Variants in FGGY observed in about 807,000 individuals in gnomAD.
The protein encoded by FGGY is FGGY carbohydrate kinase domain containing.
In FGGY, 72 loss-of-function variants were observed where a neutral mutation model predicts 71.3. The observed-to-expected ratio is 1.01, with a 90% CI of 0.84 to 1.23. The LOEUF is 1.23. Ranked by LOEUF, FGGY falls within the 50% of genes most tolerant of loss-of-function variation. The pLI, the probability that FGGY is intolerant of heterozygous loss-of-function variation, is 0.00. For missense variants in FGGY, 668 were observed against 682.3 expected (o/e 0.98, Z 0.23); for synonymous variants, 251 against 250.3 (o/e 1.00, Z -0.02).
chr1:59,366,587 A>G (rs146208845), intron 4 of FGGY, among the ~76,000 whole-genome samples: 1 of 152,244 alleles, frequency 6.6e-6, no homozygotes, highest in African/African-American at 2.4e-5. Flanking sequence ...CAGGCTTATT[A>G]CGTTATTGTC....
chr1:59,393,729 G>A (rs759175469), intron 5 of FGGY, among the ~76,000 whole-genome samples: 3 of 152,034 alleles, frequency 2.0e-5, no homozygotes, highest in Non-Finnish European at 2.9e-5. Context: ...GTGTTTTTTT[G>A]TTGGCTGTTA....
chr1:59,732,853 G>A (rs957008125), intron 14 of FGGY, among the ~76,000 whole-genome samples: 10 of 151,930 alleles, frequency 6.6e-5, no homozygotes, highest in Non-Finnish European at 1.0e-4. Context: ...AAATCCCCGC[G>A]ACGAGCTTCC....
intron 6 of FGGY, among the ~76,000 whole-genome samples, chr1:59,489,645 T>C (rs1418158585): frequency 6.6e-6 from 1 of 152,212 alleles, no homozygotes; most frequent in African/African-American, 2.4e-5. Flanking sequence ...CTGATTCATA[T>C]CTTGGCTATT....
At chr1:59,571,016 A>C (rs1337084064) in intron 8 of FGGY, among the ~76,000 whole-genome samples, 1 of 152,162 alleles carries the variant, frequency 6.6e-6, no homozygotes, top group Non-Finnish European at 1.5e-5. Context: ...ATCCATATAC[A>C]TTCAAAAAGC....
At chr1:59,681,401 A>ATAAAAGCAACC (rs1464212692) in intron 14 of FGGY, among the ~76,000 whole-genome samples, 8 of 152,206 alleles carry the variant, frequency 5.3e-5, no homozygotes, top group Non-Finnish European at 7.4e-5. Context: ...ACCAAGGGCT[A>ATAAAAGCAACC]AACATCTACT....
At chr1:59,570,000 G>T (rs1027711100) in intron 8 of FGGY, among the ~76,000 whole-genome samples, 1 of 152,180 alleles carries the variant, frequency 6.6e-6, no homozygotes, top group African/African-American at 2.4e-5. Context: ...TTGCAGAAGA[G>T]TTCCTGGTTC....
intron 4 of FGGY, among the ~76,000 whole-genome samples, chr1:59,366,399 G>A (rs1343820794): frequency 6.6e-6 from 1 of 151,816 alleles, no homozygotes; most frequent in East Asian, 1.9e-4. Context: ...TGATGTTTAG[G>A]CCTCTGCTTG....
intron 2 of FGGY, among the ~76,000 whole-genome samples, chr1:59,332,708 C>G (rs1163773079): frequency 2.0e-5 from 3 of 152,180 alleles, no homozygotes; most frequent in Non-Finnish European, 4.4e-5. Context: ...CTCTGTAGGT[C>G]TGTTGAGGGG....
chr1:59,528,081 C>A (rs1402255967), intron 7 of FGGY, among the ~76,000 whole-genome samples: 1 of 152,152 alleles, frequency 6.6e-6, no homozygotes, highest in East Asian at 1.9e-4. Flanking sequence ...TGATGAACTT[C>A]ACCAGTGGTA....
intron 5 of FGGY, among the ~76,000 whole-genome samples, chr1:59,439,291 A>C (rs574590883): frequency 6.6e-6 from 1 of 152,356 alleles, no homozygotes; most frequent in East Asian, 1.9e-4. Context: ...GTTTTGTTTA[A>C]ACAAGACCAT....
intron 11 of FGGY, among the ~76,000 whole-genome samples, chr1:59,648,810 A>C (rs1458000001): frequency 6.6e-6 from 1 of 152,172 alleles, no homozygotes; most frequent in African/African-American, 2.4e-5. Flanking sequence ...TGTTTTAGAC[A>C]TGAAGTCCTT....
At chr1:59,335,689 T>C (rs565777972) in intron 2 of FGGY, among the ~76,000 whole-genome samples, 3 of 152,292 alleles carry the variant, frequency 2.0e-5, no homozygotes, top group Admixed American at 2.0e-4. Context: ...GTATTGTCAG[T>C]CTTTGTGATA....
At chr1:59,469,902 T>C (rs1341147067) in intron 6 of FGGY, among the ~76,000 whole-genome samples, 1 of 152,186 alleles carries the variant, frequency 6.6e-6, no homozygotes, top group Non-Finnish European at 1.5e-5. Flanking sequence ...TCTAGCTCCA[T>C]CCATGTCCCT....
intron 11 of FGGY, among the ~76,000 whole-genome samples, chr1:59,655,776 G>A (rs1182235124): frequency 6.6e-6 from 1 of 152,170 alleles, no homozygotes; most frequent in Non-Finnish European, 1.5e-5. Context: ...CTTTGCAAAT[G>A]ATACCTCATG....
At position 59,762,534 on chromosome 1, in the gene FGGY, A is replaced by G; in HGVS notation, c.1606A>G (p.Lys536Glu). The change falls in exon 16 of 16, where the codon AAG becomes GAG. Residue 536 changes from lysine to glutamate, a missense_variant. Lys to Glu is a moderately conservative substitution (Grantham distance 56). Transcript: ENST00000303721. ...TGATAAGAAATACCAAGTATTCCTG[A>G]AGCTGGTTGAACACCAGAAGGAGTA... ...YYDKKYQVFLKLVEHQKEYLA... is the reference protein window; with the variant it reads ...YYDKKYQVFLELVEHQKEYLA... The G allele has an allele frequency of 6.2e-7, 1 of 1,613,860 alleles. No homozygotes were observed. Among genetic ancestry groups the G allele is most frequent in the Admixed American group, 1.7e-5 (1 of 60,026 alleles).
Position 59,559,371 on chromosome 1 carries a change from C to G in FGGY, c.903+5144C>G, listed in dbSNP as rs188615781. Among the ~76,000 whole-genome samples, 236 of 152,310 alleles carry G rather than the reference C, an allele frequency of 1.5e-3. 1 individual carries two copies. The highest frequency in any genetic ancestry group is 2.1e-3 in the Non-Finnish European group (143 of 68,020). On this transcript the variant is annotated intron_variant, in intron 8 of 15. Coordinates refer to ENST00000303721, the MANE Select transcript of FGGY (RefSeq NM_018291.5). Reference sequence around the variant, plus strand: ...CAATTTATGTTCCTCTGCTGCAGCTCCAGCCAGTCCCACTGTTTGAGGTCC... The same window carrying G: ...CAATTTATGTTCCTCTGCTGCAGCTGCAGCCAGTCCCACTGTTTGAGGTCC...
chr1:59,298,011 A>G (rs1232896081), intron 1 of FGGY, among the ~76,000 whole-genome samples: 1 of 152,196 alleles, frequency 6.6e-6, no homozygotes, highest in Non-Finnish European at 1.5e-5. Flanking sequence ...TGAGGTGCTT[A>G]TTCTTTTGAC....
chr1:59,538,360 A>T (rs1164629744), intron 7 of FGGY, among the ~76,000 whole-genome samples: 3 of 151,744 alleles, frequency 2.0e-5, no homozygotes, highest in African/African-American at 7.3e-5. Context: ...GCTGGAGAGG[A>T]TGTGGAGAAA....
intron 6 of FGGY, among the ~76,000 whole-genome samples, chr1:59,464,251 G>C (rs1169294587): frequency 2.0e-5 from 3 of 152,212 alleles, no homozygotes; most frequent in Admixed American, 2.0e-4. Context: ...TGAACAACCT[G>C]CTCCTGAATG....
Sources: allele counts gnomAD v4.1 joint callset (sites outside exome capture counted in the v4.1 genomes callset), GRCh38; gene constraint gnomAD v4.1.1; transcripts MANE v1.5; gene names NCBI Gene and HGNC (gene_info 2026-07-23, HGNC 2026-07-21).